Variants in GRB2 observed in about 807,000 individuals in gnomAD.
GRB2 encodes the protein growth factor receptor bound protein 2.
Under a neutral mutation model 27.4 loss-of-function variants are expected in GRB2, and 2 were observed. The ratio of observed to expected loss-of-function variants is 0.07; its 90% confidence interval spans 0.03 to 0.23. The LOEUF is 0.23. GRB2 is among the 10% of genes least tolerant of loss of function. The pLI is 1.00. For missense variants in GRB2, 102 were observed against 282.4 expected, an observed-to-expected ratio of 0.36 and a Z score of 4.58; for synonymous variants, 94 against 99.6, an observed-to-expected ratio of 0.94 and a Z score of 0.33.
chr17:75,323,569 C>T (rs528215381), intron 4 of GRB2, among the ~76,000 whole-genome samples: 2 of 152,270 alleles, frequency 1.3e-5, no homozygotes, highest in East Asian at 1.9e-4. Context: ...ATGACACCTG[C>T]TTTGCTTCTA....
chr17:75,326,015 A>T lies in GRB2; in HGVS notation c.182T>A (p.Phe61Tyr). Residue 61 changes from phenylalanine (F) to tyrosine (Y), a missense_variant, in exon 4 of 6, where the codon TTT becomes TAT. Physicochemically the swap from Phe to Tyr is conservative, Grantham distance 22 (BLOSUM62 3). Around this residue, in one of 3 missense-constraint regions of GRB2, gnomAD observed 45 missense variants for 110.6 expected, o/e 0.41. Transcript: ENST00000316804. ...NYIEMKPHPWFFGKIPRAKAE... is the reference protein window; with the variant it reads ...NYIEMKPHPWYFGKIPRAKAE... ...CTTGGCTCTGGGGATTTTGCCAAAA[A>T]ACCACCTAAGGAAGGAAGGCAAGCT... 1 of 1,614,128 alleles carries T rather than the reference A, an allele frequency of 6.2e-7. No individual in the cohort carries two copies. The highest frequency in any genetic ancestry group is 8.5e-7 in the Non-Finnish European group (1 of 1,180,024).
At chr17:75,403,731 T>A (rs960269437) in intron 1 of GRB2, among the ~76,000 whole-genome samples, 3 of 151,504 alleles carry the variant, frequency 2.0e-5, no homozygotes, top group African/African-American at 7.3e-5. Flanking sequence ...ACCACTGCAC[T>A]CCAGCCTGGG....
intron 3 of GRB2, 50 bp from the exon 4 acceptor site, chr17:75,326,070 G>A (rs577681450): frequency 9.3e-6 from 15 of 1,609,360 alleles, no homozygotes; most frequent in South Asian, 7.7e-5. Flanking sequence ...ACAAAGAAAC[G>A]GGATATCCAG....
chr17:75,349,665 G>A (rs1286804062), intron 2 of GRB2, among the ~76,000 whole-genome samples: 2 of 151,836 alleles, frequency 1.3e-5, no homozygotes, highest in East Asian at 3.9e-4. Context: ...GATTGCAGGC[G>A]CCCACCACCA....
intron 2 of GRB2, among the ~76,000 whole-genome samples, chr17:75,360,563 C>G (rs1267140652): frequency 6.6e-6 from 1 of 152,190 alleles, no homozygotes; most frequent in Non-Finnish European, 1.5e-5. Flanking sequence ...CTAGTTCACA[C>G]AGGACAGCAA....
chr17:75,332,544 A>G (rs2078548373), intron 3 of GRB2, among the ~76,000 whole-genome samples, 156 bp downstream of exon 3: 1 of 152,186 alleles, frequency 6.6e-6, no homozygotes, highest in Admixed American at 6.5e-5. Flanking sequence ...ATATATTATT[A>G]TATACTATTA....
chr17:75,357,030 A>C lies in GRB2; in HGVS notation c.79-24233T>G, dbSNP rs914461990. 3.9e-5 allele frequency among the ~76,000 whole-genome samples: 6 copies of C among 152,308 alleles called. No homozygotes were observed. The South Asian group carries it at 1.2e-3, about 32-fold the overall frequency. The stretch of plus-strand genomic sequence containing the variant: ...CCCAAATGGAACACTTTTCACTTTT[A>C]CCACCATCATTCTGATCCAGCCCTA... On this transcript the variant is annotated intron_variant, in intron 2 of 5. Transcript: ENST00000316804.
intron 3 of GRB2, among the ~76,000 whole-genome samples, chr17:75,329,775 GC>G (rs2078526705): frequency 6.6e-6 from 1 of 151,976 alleles, no homozygotes; most frequent in South Asian, 2.1e-4. Context: ...AGCTGTAGAC[GC>G]AGCAACTTAG....
chr17:75,327,451 A>G (rs2078506600), intron 3 of GRB2, among the ~76,000 whole-genome samples: 1 of 151,166 alleles, frequency 6.6e-6, no homozygotes, highest in East Asian at 1.9e-4. Flanking sequence ...GCTCACTGCA[A>G]CCTTCGCCTC....
At chr17:75,396,014 T>C (rs1383486696) in intron 1 of GRB2, among the ~76,000 whole-genome samples, 1 of 152,040 alleles carries the variant, frequency 6.6e-6, no homozygotes, top group Non-Finnish European at 1.5e-5. Context: ...CTTTTTATAT[T>C]TTTAGTAGAG....
intron 4 of GRB2, among the ~76,000 whole-genome samples, chr17:75,323,242 C>T (rs2078472741): frequency 6.6e-6 from 1 of 151,990 alleles, no homozygotes; most frequent in South Asian, 2.1e-4. Context: ...ATCAATCCGG[C>T]AGGTGGCAGC....
intron 3 of GRB2, among the ~76,000 whole-genome samples, chr17:75,330,379 TCAAA>T (rs370595543): frequency 0.014 from 2,092 of 149,950 alleles, 16 homozygotes; most frequent in Non-Finnish European, 0.023. Context: ...AGACTCCATC[TCAAA>T]CAAACAAACA....
intron 1 of GRB2, among the ~76,000 whole-genome samples, chr17:75,398,469 C>G (rs55693943): frequency 0.018 from 2,729 of 151,962 alleles, 52 homozygotes; most frequent in South Asian, 0.039. Context: ...CTATGCTGCC[C>G]AGGCTGGTCT....
chr17:75,365,648 A>G (rs750895485), intron 2 of GRB2, among the ~76,000 whole-genome samples: 12 of 152,216 alleles, frequency 7.9e-5, no homozygotes, highest in Non-Finnish European at 1.8e-4. Context: ...AAAGTACAAC[A>G]AAGAAAAAAG....
At chr17:75,354,634 C>T (rs1014175187) in intron 2 of GRB2, among the ~76,000 whole-genome samples, 2 of 152,106 alleles carry the variant, frequency 1.3e-5, no homozygotes, top group African/African-American at 4.8e-5. Flanking sequence ...TCCATGAAAC[C>T]AGTCCCTGGT....
At chr17:75,345,773 T>C (rs2078651019) in intron 2 of GRB2, among the ~76,000 whole-genome samples, 1 of 149,504 alleles carries the variant, frequency 6.7e-6, no homozygotes, top group South Asian at 2.2e-4. Context: ...AAACTGCAAA[T>C]GTGGATTCAA....
At chr17:75,330,280 G>GT (rs996565955) in intron 3 of GRB2, among the ~76,000 whole-genome samples, 18 of 152,080 alleles carry the variant, frequency 1.2e-4, no homozygotes, top group African/African-American at 3.9e-4. Flanking sequence ...TACTCAGGAG[G>GT]TGGAGGCAGG....
chr17:75,397,151 A>C (rs2079033690), intron 1 of GRB2, among the ~76,000 whole-genome samples: 1 of 152,234 alleles, frequency 6.6e-6, no homozygotes, highest in South Asian at 2.1e-4. Context: ...TGCTGAGTAA[A>C]AAAACAGAAA....
chr17:75,354,552 A>C (rs981259935), intron 2 of GRB2, among the ~76,000 whole-genome samples: 1 of 152,126 alleles, frequency 6.6e-6, no homozygotes, highest in African/African-American at 2.4e-5. Flanking sequence ...TAAGAATCTA[A>C]TGCCTGATGA....
Sources: gnomAD v4.1 joint callset for allele counts (sites outside exome capture counted in the v4.1 genomes callset) on GRCh38, gnomAD v4.1.1 for gene constraint, gnomAD v4.1.1 regional missense constraint, MANE v1.5 for transcripts, NCBI Gene and HGNC (gene_info 2026-07-23, HGNC 2026-07-21) for gene names.